Variants in CCDC190 observed in about 807,000 individuals in gnomAD.
CCDC190 encodes coiled-coil domain-containing protein 190.
A neutral mutation model predicts 13.1 loss-of-function variants in CCDC190; 10 were observed. The observed-to-expected ratio is 0.77, with a 90% confidence interval of 0.47 to 1.30. The LOEUF (loss-of-function observed/expected upper bound fraction) is 1.30, where lower values mean the gene tolerates loss of function less well. CCDC190 is among the 50% of genes most tolerant of loss of function. CCDC190 has a pLI of 0.00. For missense variants in CCDC190, 375 were observed against 354.3 expected (o/e 1.06, Z -0.47); for synonymous variants, 136 against 127.2 (o/e 1.07, Z -0.47).
chr1:162,859,806 G>T, intron 1 of CCDC190, 148 bp from the exon 2 acceptor site: 2 of 624,436 alleles, frequency 3.2e-6, no homozygotes, highest in Non-Finnish European at 2.7e-6. Flanking sequence ...TGTTAAATGA[G>T]TTTCCAGAGT....
chr1:162,854,132 CT>C lies in CCDC190; in HGVS notation c.*632del, dbSNP rs1367610222. The C allele has an allele frequency of 1.3e-6, 1 of 785,008 alleles. No individual in the cohort carries two copies. Among genetic ancestry groups the C allele is most frequent in the Admixed American group, 6.3e-5 (1 of 15,962 alleles). The allele number at this position is 785,008 out of a possible 1,614,324, so 48.6% of individuals were successfully genotyped here. ...GAGATGATTAAAAGTTTTTTAAATC[CT>C]TTGATTCTAGAAGATATGAGAGGGA... On this transcript the variant is annotated 3_prime_UTR_variant, in exon 4 of 4. Transcript: ENST00000367912.
intron 1 of CCDC190, among the ~76,000 whole-genome samples, chr1:162,866,290 GT>G (rs1429755321): frequency 6.6e-6 from 1 of 152,030 alleles, no homozygotes; most frequent in Non-Finnish European, 1.5e-5. Context: ...GTGAAACCCA[GT>G]CTCTACTAAA....
At chr1:162,863,126 G>A (rs1002701610), upstream of CCDC190, among the ~76,000 whole-genome samples, 4 of 152,162 alleles carry the variant, frequency 2.6e-5, no homozygotes, top group African/African-American at 9.7e-5. Flanking sequence ...AAACTGTTCA[G>A]TAAAGTGATT....
At chr1:162,855,852 AT>A (rs1650285384) in intron 2 of CCDC190, 97 bp from the exon 3 acceptor site, 2 of 1,084,188 alleles carry the variant, frequency 1.8e-6, no homozygotes, top group African/African-American at 3.2e-5. Context: ...GTGGGACCTT[AT>A]TTGGAGATAA....
rs1650167558 is a variant in CCDC190, at chr1:162,853,026, A to C, written c.*1739T>G. 3 of 1,205,722 alleles carry C rather than the reference A, an allele frequency of 2.5e-6. No individual in the cohort carries two copies. The South Asian group carries it at 4.0e-5, about 16-fold the overall frequency. 74.7% of individuals were successfully genotyped at this position (1,205,722 alleles called of 1,614,324 possible). On this transcript the variant is annotated 3_prime_UTR_variant, in exon 4 of 4. Transcript: ENST00000367912. ...GGTGCAAATAAATTAAGTTTTTGTGAATCAATCAGTTCTGTCACTTATGGC... is the reference window on the plus strand; with the variant it reads ...GGTGCAAATAAATTAAGTTTTTGTGCATCAATCAGTTCTGTCACTTATGGC...
At chr1:162,860,387 T>C (rs1441375869) in intron 1 of CCDC190, among the ~76,000 whole-genome samples, 2 of 152,160 alleles carry the variant, frequency 1.3e-5, no homozygotes, top group East Asian at 3.8e-4. Flanking sequence ...TTAGATGCTC[T>C]CCTCCCTCCA....
intron 2 of CCDC190, among the ~76,000 whole-genome samples, chr1:162,857,843 T>C (rs1394259832): frequency 6.6e-6 from 1 of 152,210 alleles, no homozygotes; most frequent in East Asian, 1.9e-4. Context: ...TTTTTCATAT[T>C]TGCATTCCAG....
Position 162,854,870 on chromosome 1 carries a change from C to T in CCDC190, c.801G>A (p.Glu267=). Reference sequence around the variant, plus strand: ...ATATCTCTCCAATGCTAAGCAACCTCTCAGACTCAGGGGGGACCCTGTGCC... The same window carrying T: ...ATATCTCTCCAATGCTAAGCAACCTTTCAGACTCAGGGGGGACCCTGTGCC... The part of the protein sequence containing the change: ...YLRHRVPPES[E]RLLSIGEIFG... Residue 267 remains glutamate, a synonymous_variant, in exon 4 of 4, where the codon GAG becomes GAA. Transcript: ENST00000367912. 1.2e-6 allele frequency: 2 copies of T among 1,614,038 alleles called. No individual in the cohort carries two copies. Among genetic ancestry groups the T allele is most frequent in the Non-Finnish European group, 8.5e-7 (1 of 1,179,890 alleles).
intron 1 of CCDC190, among the ~76,000 whole-genome samples, chr1:162,860,562 A>ATT (rs554309165): frequency 1.8e-4 from 26 of 144,912 alleles, no homozygotes; most frequent in African/African-American, 2.9e-4. Flanking sequence ...AGGTTTGGTG[A>ATT]TTTTTTTTTT....
chr1:162,855,983 T>C (rs1650289127), intron 2 of CCDC190: 1 of 354,730 alleles, frequency 2.8e-6, no homozygotes, highest in East Asian at 5.3e-5. Context: ...GGGAGAGCAC[T>C]AAGAGACACA....
intron 1 of CCDC190, among the ~76,000 whole-genome samples, chr1:162,867,322 G>A (rs1650742787): frequency 6.6e-6 from 1 of 151,874 alleles, no homozygotes; most frequent in Non-Finnish European, 1.5e-5. Context: ...ATATACAAAT[G>A]GCCAATAAAC....
upstream of CCDC190, among the ~76,000 whole-genome samples, chr1:162,864,297 A>G (rs1650625298): frequency 6.6e-6 from 1 of 152,150 alleles, no homozygotes; most frequent in African/African-American, 2.4e-5. Context: ...AGAGTTAAGG[A>G]AAATTGAATA....
At chr1:162,863,901 C>A (rs1378023487), upstream of CCDC190, among the ~76,000 whole-genome samples, 5 of 151,880 alleles carry the variant, frequency 3.3e-5, no homozygotes, top group African/African-American at 1.2e-4. Context: ...CACCTGTAAT[C>A]CCAGCTACTC....
rs746186019 is a variant in CCDC190, at chr1:162,854,972, T to G, written c.699A>C (p.Ala233=). The G allele has an allele frequency of 2.5e-6, 4 of 1,613,916 alleles. No individual in the cohort carries two copies. The change falls in exon 4 of 4, where the codon GCA becomes GCC. Residue 233 remains alanine (A), a synonymous_variant. Coordinates refer to ENST00000367912, the MANE Select transcript of CCDC190 (RefSeq NM_001394065.1). ...KQIPPKHMEC[A]GSFEGEFTKP... ...TTGTGAACTCGCCTTCGAAGCTTCCTGCACATTCCATGTGTTTTGGGGGAA... is the reference window on the plus strand; with the variant it reads ...TTGTGAACTCGCCTTCGAAGCTTCCGGCACATTCCATGTGTTTTGGGGGAA...
At position 162,853,024 on chromosome 1, in the gene CCDC190, TG is replaced by T; in HGVS notation, c.*1740del. On this transcript the variant is annotated 3_prime_UTR_variant, in exon 4 of 4. Transcript: ENST00000367912. ...CTGGTGCAAATAAATTAAGTTTTTG[TG>T]AATCAATCAGTTCTGTCACTTATGG... 1 of 1,193,236 alleles carries T rather than the reference TG, an allele frequency of 8.4e-7. No homozygotes were observed. Among genetic ancestry groups the T allele is most frequent in the Non-Finnish European group, 1.2e-6 (1 of 824,674 alleles). 73.9% of individuals were successfully genotyped at this position (1,193,236 alleles called of 1,614,324 possible). A position where few individuals can be genotyped will look rare whatever the true frequency, so the allele number is the denominator to read the frequency against.
rs542731530 is a variant in CCDC190, at chr1:162,854,440, T to G, written c.*325A>C. 9.3e-7 allele frequency: 1 copy of G among 1,079,948 alleles called. No individual in the cohort carries two copies. Among genetic ancestry groups the G allele is most frequent in the South Asian group, 3.4e-5 (1 of 29,676 alleles). 66.9% of individuals were successfully genotyped at this position (1,079,948 alleles called of 1,614,324 possible). A position where few individuals can be genotyped will look rare whatever the true frequency, so the allele number is the denominator to read the frequency against. On this transcript the variant is annotated 3_prime_UTR_variant, in exon 4 of 4. Coordinates refer to ENST00000367912, the MANE Select transcript of CCDC190 (RefSeq NM_001394065.1). The stretch of plus-strand genomic sequence containing the variant: ...GCCAGCAGGTGGCACCATGAGAATC[T>G]CCTAGAGGAAACAGGAAGTCCCTGA...
chr1:162,866,065 TA>T (rs1650695115), upstream of CCDC190, among the ~76,000 whole-genome samples: 1 of 152,180 alleles, frequency 6.6e-6, no homozygotes, highest in Non-Finnish European at 1.5e-5. Context: ...TATATTAACA[TA>T]AAAATATTGT....
Position 162,852,940 on chromosome 1 carries a change from G to T in CCDC190, c.*1825C>A, listed in dbSNP as rs1411197635. On this transcript the variant is annotated 3_prime_UTR_variant, in exon 4 of 4. Transcript: ENST00000367912. ...AAAGAACTTTTAGGAAAGAGCTTGC[G>T]CAGTTTACAAAGGGGTTCTCTAATT... The T allele has an allele frequency of 6.6e-6, 4 of 605,890 alleles. No homozygotes were observed. The highest frequency in any genetic ancestry group is 1.2e-5 in the Non-Finnish European group (4 of 336,154). The allele number at this position is 605,890 out of a possible 1,614,324, so 37.5% of individuals were successfully genotyped here.
chr1:162,857,098 G>A (rs1485743586), intron 2 of CCDC190, among the ~76,000 whole-genome samples: 1 of 152,096 alleles, frequency 6.6e-6, no homozygotes, highest in African/African-American at 2.4e-5. Context: ...TTTGTGCCAG[G>A]TAATATACTT....
Sources: gnomAD v4.1 joint callset for allele counts (sites outside exome capture counted in the v4.1 genomes callset) on GRCh38, gnomAD v4.1.1 for gene constraint, MANE v1.5 for transcripts, NCBI Gene and HGNC (gene_info 2026-07-23, HGNC 2026-07-21) for gene names.